The following ATP5MF variants were observed in gnomAD, a reference collection of about 807,000 sequenced individuals.
ATP5MF encodes the protein ATP synthase membrane subunit f.
A neutral mutation model predicts 13.8 loss-of-function variants in ATP5MF; 10 were observed. That is an observed-to-expected ratio of 0.72 (90% CI 0.45 to 1.23). The LOEUF (loss-of-function observed/expected upper bound fraction) is 1.23, where lower values mean the gene tolerates loss of function less well. Ranked by LOEUF, ATP5MF falls within the 50% of genes most tolerant of loss-of-function variation. The probability of loss-of-function intolerance (pLI) is 0.00; values close to 1 mark genes in which losing one functional copy is unlikely to be tolerated. For missense variants in ATP5MF, 122 were observed against 118.2 expected, an observed-to-expected ratio of 1.03 and a Z score of -0.15; for synonymous variants, 40 against 45.8, an observed-to-expected ratio of 0.87 and a Z score of 0.51.
intron 1 of ATP5MF, among the ~76,000 whole-genome samples, chr7:99,462,785 G>A (rs949525344): frequency 1.3e-4 from 20 of 152,264 alleles, no homozygotes; most frequent in African/African-American, 4.6e-4. Flanking sequence ...CTTATTCCAC[G>A]AATTTCTCTT....
intron 1 of ATP5MF, among the ~76,000 whole-genome samples, 180 bp downstream of exon 1, chr7:99,465,931 C>A (rs1769042226): frequency 1.3e-5 from 2 of 152,234 alleles, no homozygotes; most frequent in South Asian, 2.1e-4. Context: ...TTGGCGCAGG[C>A]CCTGGGCAGC....
At position 99,460,101 on chromosome 7, in the gene ATP5MF, C is replaced by G. The variant is rs762907766; in HGVS notation, c.124G>C (p.Gly42Arg). Residue 42 changes from glycine (G) to arginine (R), a missense_variant, in exon 2 of 4, where the codon GGA becomes CGA. Transcript: ENST00000292475. ...AGGCTCTGACCTCTTTGAAACGCTCCGAAAATGCCACTAGGACTGAAGTCC... is the reference window on the plus strand; with the variant it reads ...AGGCTCTGACCTCTTTGAAACGCTCGGAAAATGCCACTAGGACTGAAGTCC... ...MRDFSPSGIF[G>R]AFQRGYYRYY... The G allele has an allele frequency of 1.2e-6, 2 of 1,613,326 alleles. No homozygotes were observed. The highest frequency in any genetic ancestry group is 1.7e-6 in the Non-Finnish European group (2 of 1,179,826).
At chr7:99,460,868 CAAGT>C (rs1453223193) in intron 1 of ATP5MF, among the ~76,000 whole-genome samples, 47 of 152,256 alleles carry the variant, frequency 3.1e-4, no homozygotes, top group African/African-American at 1.1e-3. Context: ...CCAGCCCGAG[CAAGT>C]ATAATGAAAG....
intron 2 of ATP5MF, 80 bp downstream of exon 2, chr7:99,460,006 C>T: frequency 6.7e-7 from 1 of 1,500,166 alleles, no homozygotes; most frequent in South Asian, 1.3e-5. Context: ...GCCTTCATTG[C>T]CCAAATTAAT....
At chr7:99,459,290 C>G (rs1463338125) in intron 2 of ATP5MF, 27 bp from the exon 3 acceptor site, 2 of 1,542,284 alleles carry the variant, frequency 1.3e-6, no homozygotes, top group South Asian at 2.2e-5. Context: ...CGCTCACTGC[C>G]CTGCTGGGCT....
chr7:99,462,537 G>C (rs1355807862), intron 1 of ATP5MF, among the ~76,000 whole-genome samples: 3 of 152,248 alleles, frequency 2.0e-5, no homozygotes, highest in Non-Finnish European at 4.4e-5. Context: ...AGCACTGTGG[G>C]AGGCCAAGGC....
At chr7:99,463,684 G>C (rs1157854215) in intron 1 of ATP5MF, among the ~76,000 whole-genome samples, 1 of 152,152 alleles carries the variant, frequency 6.6e-6, no homozygotes, top group Non-Finnish European at 1.5e-5. Context: ...GCTGAGGCAG[G>C]AGAATCACTT....
intron 1 of ATP5MF, among the ~76,000 whole-genome samples, chr7:99,464,993 C>T (rs1438616643): frequency 6.6e-6 from 1 of 151,656 alleles, no homozygotes; most frequent in African/African-American, 2.4e-5. Context: ...AACGCAGTGG[C>T]TCACACCTGT....
Position 99,466,120 on chromosome 7 carries a change from G to T in ATP5MF, c.22C>A (p.Pro8Thr), listed in dbSNP as rs140907891. 2 of 1,614,182 alleles carry T rather than the reference G, an allele frequency of 1.2e-6. No individual in the cohort carries two copies. Among genetic ancestry groups the T allele is most frequent in the Non-Finnish European group, 1.7e-6 (2 of 1,180,026 alleles). Residue 8 changes from proline (P) to threonine (T), a missense_variant, in exon 1 of 4, where the codon CCG becomes ACG. By Grantham distance (38) the Pro-to-Thr change is conservative (BLOSUM62 -1). Coordinates refer to ENST00000292475, the MANE Select transcript of ATP5MF (RefSeq NM_004889.5). ...GTCCAAACAGCCTTACCTGGGGCCGGACACTCACCAACTGACGCCATTTTG... is the reference window on the plus strand; with the variant it reads ...GTCCAAACAGCCTTACCTGGGGCCGTACACTCACCAACTGACGCCATTTTG... MASVGEC[P>T]APVPVKDKKL...
At chr7:99,459,774 T>C (rs1052119806) in intron 2 of ATP5MF, 1 of 320,504 alleles carries the variant, frequency 3.1e-6, no homozygotes, top group Non-Finnish European at 5.8e-6. Context: ...CATCATATTA[T>C]AGACTAATGC....
At chr7:99,465,098 A>G (rs1223787818) in intron 1 of ATP5MF, among the ~76,000 whole-genome samples, 9 of 152,036 alleles carry the variant, frequency 5.9e-5, no homozygotes, top group Admixed American at 5.9e-4. Flanking sequence ...CGTCTCTACT[A>G]AAAATACAAA....
chr7:99,464,487 C>T (rs956359023), intron 1 of ATP5MF, among the ~76,000 whole-genome samples: 1 of 152,082 alleles, frequency 6.6e-6, no homozygotes, highest in African/African-American at 2.4e-5. Context: ...CACAGTGAAA[C>T]CCTGTCTCTA....
intron 1 of ATP5MF, 110 bp downstream of exon 1, chr7:99,466,001 G>C: frequency 6.4e-7 from 1 of 1,569,056 alleles, no homozygotes; most frequent in Non-Finnish European, 8.7e-7. Flanking sequence ...AGGTCGTGGC[G>C]AAGTGCCTGA....
intron 2 of ATP5MF, chr7:99,459,714 A>G: frequency 3.9e-6 from 1 of 258,794 alleles, no homozygotes; most frequent in Non-Finnish European, 7.4e-6. Context: ...ACACCAGGCC[A>G]AGATAGGCCA....
chr7:99,460,459 A>T (rs1798549412), intron 1 of ATP5MF: 2 of 678,798 alleles, frequency 2.9e-6, no homozygotes, highest in Non-Finnish European at 5.5e-6. Flanking sequence ...TAACTCCAGA[A>T]AAGGGTCTCG....
At chr7:99,464,611 T>G (rs577590082) in intron 1 of ATP5MF, among the ~76,000 whole-genome samples, 1 of 151,388 alleles carries the variant, frequency 6.6e-6, no homozygotes, top group African/African-American at 2.4e-5. Context: ...TGCAGTGAGC[T>G]GAGATCGCGC....
chr7:99,458,877 G>A (rs912587371), intron 3 of ATP5MF: 1 of 422,296 alleles, frequency 2.4e-6, no homozygotes, highest in African/African-American at 2.0e-5. Context: ...TTCACAGTGT[G>A]CTGTATTTTA....
rs767422866 is a variant in ATP5MF at position 99,458,361 on chromosome 7, G to C, written c.257-6C>G. The C allele has an allele frequency of 6.2e-7, 1 of 1,606,850 alleles. No individual in the cohort carries two copies. The highest frequency in any genetic ancestry group is 1.3e-5 in the African/African-American group (1 of 75,032). On this transcript the variant is annotated splice_region_variant and splice_polypyrimidine_tract_variant and intron_variant, in intron 3 of 3. Transcript: ENST00000292475. ...TTTGCGGAGCCGCTCGTGCTCTGAA[G>C]TCAGGAAGGCAAGATGGTAAGTATC...
intron 1 of ATP5MF, among the ~76,000 whole-genome samples, chr7:99,460,810 C>T (rs1277404021): frequency 6.6e-6 from 1 of 152,142 alleles, no homozygotes; most frequent in African/African-American, 2.4e-5. Context: ...TGGGGAAGGG[C>T]TTCAAACAGC....
Sources: gnomAD v4.1 joint callset for allele counts (sites outside exome capture counted in the v4.1 genomes callset) on GRCh38, gnomAD v4.1.1 for gene constraint, MANE v1.5 for transcripts, NCBI Gene and HGNC (gene_info 2026-07-23, HGNC 2026-07-21) for gene names.